ZNF366: variants seen among roughly 807,000 people sequenced by gnomAD.
ZNF366 encodes the protein zinc finger protein 366.
A neutral mutation model predicts 47.2 loss-of-function variants in ZNF366; 20 were observed. The observed-to-expected ratio is 0.42, with a 90% CI of 0.30 to 0.62. The LOEUF (loss-of-function observed/expected upper bound fraction) is 0.62, where lower values mean the gene tolerates loss of function less well. Among genes scored for constraint, ZNF366 ranks in the 20% least tolerant of loss-of-function variants. The pLI is 0.16. For missense variants in ZNF366, 987 were observed against 976.3 expected (o/e 1.01, Z -0.15); for synonymous variants, 421 against 395.1 (o/e 1.07, Z -0.78).
chr5:72,479,216 A>G (rs531384145), intron 1 of ZNF366, among the ~76,000 whole-genome samples: 31 of 152,222 alleles, frequency 2.0e-4, no homozygotes, highest in African/African-American at 7.5e-4. Context: ...GATTTTTTAA[A>G]CCTCTGGCTA....
intron 1 of ZNF366, among the ~76,000 whole-genome samples, chr5:72,462,523 C>CTT (rs1168625410): frequency 1.5e-4 from 11 of 75,550 alleles, no homozygotes; most frequent in African/African-American, 3.3e-4. Flanking sequence ...TTCTTTCTTT[C>CTT]TTTCTTTCTT....
Position 72,443,649 on chromosome 5 carries a change from A to C in ZNF366, c.*107T>G. Reference sequence around the variant, plus strand: ...TGCTCATTTAGTCTAAGCCATTTGTAGAGATTGGTACTATTCGCCAGTCTC... The same window carrying C: ...TGCTCATTTAGTCTAAGCCATTTGTCGAGATTGGTACTATTCGCCAGTCTC... On this transcript the variant is annotated 3_prime_UTR_variant, in exon 5 of 5. Coordinates refer to ENST00000318442, the MANE Select transcript of ZNF366 (RefSeq NM_152625.3). 4.1e-6 allele frequency: 5 copies of C among 1,210,700 alleles called. No individual in the cohort carries two copies. Among genetic ancestry groups the C allele is most frequent in the African/African-American group, 1.5e-5 (1 of 66,052 alleles). 75.0% of individuals were successfully genotyped at this position (1,210,700 alleles called of 1,614,324 possible).
intron 1 of ZNF366, among the ~76,000 whole-genome samples, chr5:72,501,610 T>C (rs1037145259): frequency 1.1e-4 from 16 of 152,232 alleles, no homozygotes; most frequent in Admixed American, 8.5e-4. Context: ...ATTTACCCCA[T>C]GGTGTTTTGT....
chr5:72,449,698 G>A (rs1247560931), intron 3 of ZNF366, among the ~76,000 whole-genome samples: 2 of 152,246 alleles, frequency 1.3e-5, no homozygotes, highest in African/African-American at 4.8e-5. Context: ...GTTCAGATAT[G>A]TTCTCACTCA....
At chr5:72,497,411 T>C (rs555730658) in intron 1 of ZNF366, among the ~76,000 whole-genome samples, 1 of 152,276 alleles carries the variant, frequency 6.6e-6, no homozygotes, top group African/African-American at 2.4e-5. Context: ...TTTCCCCTCA[T>C]TGACACCTTT....
intron 1 of ZNF366, among the ~76,000 whole-genome samples, chr5:72,497,386 T>C (rs1744136817): frequency 6.6e-6 from 1 of 152,188 alleles, no homozygotes; most frequent in Non-Finnish European, 1.5e-5. Context: ...CAGTACCATT[T>C]GTTTAAAAGA....
At chr5:72,481,055 G>A (rs1743781592) in intron 1 of ZNF366, among the ~76,000 whole-genome samples, 2 of 152,128 alleles carry the variant, frequency 1.3e-5, no homozygotes, top group African/African-American at 2.4e-5. Flanking sequence ...ACCCTAAAAC[G>A]GACAGGTGAC....
chr5:72,454,867 A>AGGC (rs2112322684), intron 3 of ZNF366, among the ~76,000 whole-genome samples: 1 of 152,312 alleles, frequency 6.6e-6, no homozygotes, highest in East Asian at 1.9e-4. Context: ...AGAGAAGAGG[A>AGGC]GGCCGTGGAG....
intron 4 of ZNF366, among the ~76,000 whole-genome samples, chr5:72,444,633 A>C (rs1246895343): frequency 6.6e-6 from 1 of 152,214 alleles, no homozygotes; most frequent in Non-Finnish European, 1.5e-5. Context: ...ACAGTCAAAC[A>C]ATGAAAAAAC....
At chr5:72,489,437 T>C (rs1230612334) in intron 1 of ZNF366, among the ~76,000 whole-genome samples, 1 of 152,194 alleles carries the variant, frequency 6.6e-6, no homozygotes, top group Non-Finnish European at 1.5e-5. Context: ...TTGTTTGTTA[T>C]TGGAGCATAA....
intron 1 of ZNF366, among the ~76,000 whole-genome samples, chr5:72,502,143 T>C (rs1744222096): frequency 6.6e-6 from 1 of 152,242 alleles, no homozygotes; most frequent in African/African-American, 2.4e-5. Context: ...CAAATATTTA[T>C]TGTGCATCTA....
chr5:72,495,424 G>C lies in ZNF366; in HGVS notation c.-15+11827C>G, dbSNP rs560178414. ...TGCTGTTAGCAAGCAAGGTGGCTGG[G>C]GTTTCATCTCAAGCAGCTGCCCCTA... On this transcript the variant is annotated intron_variant, in intron 1 of 4. Coordinates refer to ENST00000318442, the MANE Select transcript of ZNF366 (RefSeq NM_152625.3). Among the ~76,000 whole-genome samples, 7 of 152,244 alleles carry C rather than the reference G, an allele frequency of 4.6e-5. No individual in the cohort carries two copies. In the South Asian group the frequency reaches 1.2e-3, roughly 27 times the overall value.
chr5:72,453,656 C>G (rs1218713793), intron 3 of ZNF366, among the ~76,000 whole-genome samples: 1 of 152,206 alleles, frequency 6.6e-6, no homozygotes, highest in East Asian at 1.9e-4. Flanking sequence ...AATCTGTAAA[C>G]CCAGACATGC....
At chr5:72,453,742 G>A (rs1208429866) in intron 3 of ZNF366, among the ~76,000 whole-genome samples, 1 of 152,234 alleles carries the variant, frequency 6.6e-6, no homozygotes. Context: ...ATGGGAGATG[G>A]GGACAGGGAG....
chr5:72,470,023 C>A (rs930110239), intron 1 of ZNF366, among the ~76,000 whole-genome samples: 2 of 152,032 alleles, frequency 1.3e-5, no homozygotes, highest in African/African-American at 4.8e-5. Flanking sequence ...CTAACCTGGG[C>A]AACACAGCAA....
chr5:72,476,247 C>A (rs1024524933), intron 1 of ZNF366, among the ~76,000 whole-genome samples: 3 of 152,120 alleles, frequency 2.0e-5, no homozygotes, highest in African/African-American at 7.2e-5. Context: ...ACATACAATG[C>A]CCCCTCCCTT....
rs376715510 is a variant in ZNF366 at position 72,461,084 on chromosome 5, A to G, written c.413T>C (p.Phe138Ser). 3.1e-6 allele frequency: 5 copies of G among 1,613,786 alleles called. No individual in the cohort carries two copies. The highest frequency in any genetic ancestry group is 1.3e-5 in the African/African-American group (1 of 74,792). The change falls in exon 2 of 5, where the codon TTC becomes TCC. Residue 138 changes from phenylalanine to serine, a missense_variant. By Grantham distance (155) the Phe-to-Ser change is radical. Transcript: ENST00000318442. ...CCCAAAGTGTTCCAGGCTGCGGTAGAATTGGAAGCCCACGTTGCACAGGTC... is the reference window on the plus strand; with the variant it reads ...CCCAAAGTGTTCCAGGCTGCGGTAGGATTGGAAGCCCACGTTGCACAGGTC... ...MIDLCNVGFQ[F>S]YRSLEHFGGK...
intron 3 of ZNF366, among the ~76,000 whole-genome samples, chr5:72,455,073 T>C (rs3112482): frequency 0.9 from 136,312 of 151,910 alleles, 61,397 homozygotes; most frequent in East Asian, 0.97. Context: ...ATGAAGCTGA[T>C]TCTTGCTTTA....
chr5:72,463,897 T>C (rs1339009643), intron 1 of ZNF366, among the ~76,000 whole-genome samples: 1 of 152,230 alleles, frequency 6.6e-6, no homozygotes, highest in Non-Finnish European at 1.5e-5. Flanking sequence ...ACTAAACGTG[T>C]CCTGCTGAAT....
Sources: gnomAD v4.1 joint callset for allele counts (sites outside exome capture counted in the v4.1 genomes callset) on GRCh38, gnomAD v4.1.1 for gene constraint, MANE v1.5 for transcripts, NCBI Gene and HGNC (gene_info 2026-07-23, HGNC 2026-07-21) for gene names.